EMILIN1: variants seen among roughly 807,000 people sequenced by gnomAD.
The protein encoded by EMILIN1 is elastin microfibril interfacer 1, also known as EMILIN-1.
A neutral mutation model predicts 82.4 loss-of-function variants in EMILIN1; 49 were observed. The observed-to-expected ratio is 0.59, with a 90% CI of 0.47 to 0.75. The LOEUF (loss-of-function observed/expected upper bound fraction) is 0.75. Among genes scored for constraint, EMILIN1 ranks in the 30% least tolerant of loss-of-function variants. The pLI is 0.00. For synonymous variants in EMILIN1, 604 were observed against 602.2 expected (o/e 1.00, Z -0.04); for missense variants, 1,313 against 1,366.4 (o/e 0.96, Z 0.62).
Position 27,083,189 on chromosome 2 carries a change from G to A in EMILIN1, c.1618G>A (p.Gly540Ser), listed in dbSNP as rs781500770. ...GCTGGAGGGATTACAAGAGGTTGTG[G>A]GCCGGCTCCAGGATCGTGTGGATGC... is the stretch of plus-strand genomic sequence containing the variant. ...ATLEGLQEVV[G>S]RLQDRVDAQD... Residue 540 changes from glycine (G) to serine (S), a missense_variant, in exon 4 of 8, where the codon GGC (glycine) becomes AGC (serine). Gly to Ser is a moderately conservative substitution (Grantham distance 56). Coordinates refer to ENST00000380320, the MANE Select transcript of EMILIN1 (RefSeq NM_007046.4). The A allele has an allele frequency of 1.9e-5, 30 of 1,611,248 alleles. No individual in the cohort carries two copies. Among genetic ancestry groups the A allele is most frequent in the Middle Eastern group, 3.3e-4 (2 of 6,066 alleles).
At position 27,086,344 on chromosome 2, in the gene EMILIN1, G is replaced by A. The variant is rs931872174; in HGVS notation, c.*329G>A. On this transcript the variant is annotated 3_prime_UTR_variant, in exon 8 of 8. Transcript: ENST00000380320. ...GGGCTCCAGGCTCCCCCGCGCGGGC[G>A]CCGCCCACCGCCATACTAAACGATC... The A allele has an allele frequency of 5.7e-5, 17 of 296,770 alleles. No individual in the cohort carries two copies. Among genetic ancestry groups the A allele is most frequent in the South Asian group, 3.2e-4 (2 of 6,182 alleles). The allele number at this position is 296,770 out of a possible 1,614,324, so 18.4% of individuals were successfully genotyped here.
Position 27,082,607 on chromosome 2 carries a change from G to T in EMILIN1, c.1036G>T (p.Gly346Cys). The change falls in exon 4 of 8, where the codon GGC (glycine) becomes TGC (cysteine). Residue 346 changes from glycine (G) to cysteine (C), a missense_variant. Transcript: ENST00000380320. ...ACGGCACCTCGCAGGGCTGGCGGTG[G>T]GCCGCAGGCCCCCTCAGGAATGCTG... ...RQRHLAGLAV[G>C]RRPPQECCSP... 1 of 1,543,186 alleles carries T rather than the reference G, an allele frequency of 6.5e-7. No homozygotes were observed.
In EMILIN1 at chr2:27,086,059, CG is replaced by C. The variant is rs1257407471; in HGVS notation, c.*49del. 3 of 1,347,824 alleles carry C rather than the reference CG, an allele frequency of 2.2e-6. No homozygotes were observed. The South Asian group carries it at 5.3e-5, about 24-fold the overall frequency. 83.5% of individuals were successfully genotyped at this position (1,347,824 alleles called of 1,614,324 possible). A position where few individuals can be genotyped will look rare whatever the true frequency, so the allele number is the denominator to read the frequency against. ...GTGTCTACGTCGGCTGAAGAGACAG[CG>C]GGGGCGGCGGGCTCCTGGGGTCTCG... On this transcript the variant is annotated 3_prime_UTR_variant, in exon 8 of 8. Transcript: ENST00000380320.
rs564835390 is a variant in EMILIN1, at chr2:27,086,181, G to T, written c.*166G>T. On this transcript the variant is annotated 3_prime_UTR_variant, in exon 8 of 8. Transcript: ENST00000380320. ...CCTCTCCCCACGCCCGGGGCGCGCCGGCTCAGGGAGGCTCGGGGCCGCCCA... is the reference window on the plus strand; with the variant it reads ...CCTCTCCCCACGCCCGGGGCGCGCCTGCTCAGGGAGGCTCGGGGCCGCCCA... The T allele has an allele frequency of 6.2e-5, 27 of 432,228 alleles. No individual in the cohort carries two copies. Among genetic ancestry groups the T allele is most frequent in the Non-Finnish European group, 1.0e-4 (26 of 258,470 alleles). 26.8% of individuals were successfully genotyped at this position (432,228 alleles called of 1,614,324 possible).
At position 27,082,249 on chromosome 2, in the gene EMILIN1, C is replaced by G. The variant is rs781217129; in HGVS notation, c.678C>G (p.Asp226Glu). The change falls in exon 4 of 8, where the codon GAC becomes GAG. Residue 226 changes from aspartate (D) to glutamate (E), a missense_variant. Asp to Glu is a conservative substitution (Grantham distance 45). Coordinates refer to ENST00000380320, the MANE Select transcript of EMILIN1 (RefSeq NM_007046.4). ...TCAACGGGAGGCAGCAGCCAGCTGA[C>G]GCGGCTGCCCGCCCTGGGGTGCATG... ...TAFNGRQQPADAAARPGVHET... is the reference protein window; with the variant it reads ...TAFNGRQQPAEAAARPGVHET... The G allele has an allele frequency of 6.2e-7, 1 of 1,613,228 alleles. No individual in the cohort carries two copies. The highest frequency in any genetic ancestry group is 8.5e-7 in the Non-Finnish European group (1 of 1,179,904).
At chr2:27,079,909 G>A (rs532194071) in intron 1 of EMILIN1, among the ~76,000 whole-genome samples, 2 of 152,296 alleles carry the variant, frequency 1.3e-5, no homozygotes, top group South Asian at 4.1e-4. Context: ...ACCACCATGA[G>A]GATTGACTGC....
intron 3 of EMILIN1, among the ~76,000 whole-genome samples, chr2:27,081,241 C>T (rs371110275): frequency 5.3e-5 from 8 of 152,122 alleles, no homozygotes; most frequent in African/African-American, 1.2e-4. Context: ...TGCTCGCACA[C>T]GCCCCATGTG....
At position 27,082,390 on chromosome 2, in the gene EMILIN1, C is replaced by T. The variant is rs1306995571; in HGVS notation, c.819C>T (p.Gly273=). The change falls in exon 4 of 8, where the codon GGC becomes GGT. Residue 273 remains glycine (G), a synonymous_variant. Coordinates refer to ENST00000380320, the MANE Select transcript of EMILIN1 (RefSeq NM_007046.4). ...ATGGCGGCAGCAGCAGCAGTGGGGG[C>T]AGCAGGGCCCCAGCCCCAGCCTCAG... ...NHHGGSSSSG[G]SRAPAPASAP... 1.2e-6 allele frequency: 2 copies of T among 1,609,584 alleles called. No individual in the cohort carries two copies. The highest frequency in any genetic ancestry group is 1.7e-6 in the Non-Finnish European group (2 of 1,179,122).
chr2:27,086,271 A>C lies in EMILIN1; in HGVS notation c.*256A>C. The C allele has an allele frequency of 2.8e-6, 1 of 355,548 alleles. No individual in the cohort carries two copies. Among genetic ancestry groups the C allele is most frequent in the Non-Finnish European group, 5.0e-6 (1 of 199,218 alleles). 22.0% of individuals were successfully genotyped at this position (355,548 alleles called of 1,614,324 possible). ...CCAGGGCCGGCCTGCGGAGGAGCCG[A>C]TCCTCGCACCCTCCGCTCCCTCCAC... On this transcript the variant is annotated 3_prime_UTR_variant, in exon 8 of 8. Coordinates refer to ENST00000380320, the MANE Select transcript of EMILIN1 (RefSeq NM_007046.4).
At chr2:27,081,951 T>A (rs946178445) in intron 3 of EMILIN1, 132 bp from the exon 4 acceptor site, 26 of 1,168,902 alleles carry the variant, frequency 2.2e-5, no homozygotes, top group Admixed American at 2.9e-5. Context: ...TTCTTTTTTT[T>A]TCTCTTGCCA....
At position 27,079,139 on chromosome 2, in the gene EMILIN1, C is replaced by T. The variant is rs750171458; in HGVS notation, c.74C>T (p.Pro25Leu). 2.9e-5 allele frequency: 47 copies of T among 1,604,262 alleles called. No individual in the cohort carries two copies. Among genetic ancestry groups the T allele is most frequent in the Non-Finnish European group, 3.5e-5 (41 of 1,175,822 alleles). Residue 25 changes from proline (P) to leucine (L), a missense_variant, in exon 1 of 8, where the codon CCT becomes CTT. Transcript: ENST00000380320. ...GCAGCTGCAGGGGCCGCCAGCTACC[C>T]TCCTCGAGGTTTCAGCCTCTACACA... ...LTAAAGAASYPPRGFSLYTGS... is the reference protein window; with the variant it reads ...LTAAAGAASYLPRGFSLYTGS...
chr2:27,080,387 G>A, intron 2 of EMILIN1, 117 bp downstream of exon 2: 1 of 1,374,560 alleles, frequency 7.3e-7, no homozygotes, highest in Non-Finnish European at 1.0e-6. Flanking sequence ...AGGGGCTAGG[G>A]TCACAGCCAT....
intron 1 of EMILIN1, 50 bp from the exon 2 acceptor site, chr2:27,080,101 C>T (rs377366246): frequency 6.2e-7 from 1 of 1,606,586 alleles, no homozygotes; most frequent in Admixed American, 1.7e-5. Context: ...GGGCCCTCCT[C>T]CAGGGCATGT....
rs1218476079 is a variant in EMILIN1 at position 27,082,207 on chromosome 2, G to A, written c.636G>A (p.Arg212=). The part of the protein sequence containing the change: ...LSGRLAEDVQ[R]AVETAFNGRQ... ...GGCGCCTGGCAGAGGATGTGCAGAG[G>A]GCTGTGGAGACGGCCTTCAACGGGA... The change falls in exon 4 of 8, where the codon AGG becomes AGA. Residue 212 remains arginine, a synonymous_variant. Coordinates refer to ENST00000380320, the MANE Select transcript of EMILIN1 (RefSeq NM_007046.4). 1 of 1,613,520 alleles carries A rather than the reference G, an allele frequency of 6.2e-7. No homozygotes were observed. Among genetic ancestry groups the A allele is most frequent in the Non-Finnish European group, 8.5e-7 (1 of 1,180,018 alleles).
chr2:27,084,146 A>T, intron 4 of EMILIN1, 135 bp downstream of exon 4: 1 of 1,066,172 alleles, frequency 9.4e-7, no homozygotes, highest in Non-Finnish European at 1.3e-6. Flanking sequence ...CCAGTATTCC[A>T]GGTGTTATAG....
chr2:27,080,382 C>G lies in EMILIN1; in HGVS notation c.290+112C>G, dbSNP rs59198727. The G allele has an allele frequency of 6.6e-4, 931 of 1,408,102 alleles. 3 individuals carry two copies. The African/African-American group carries it at 7.2e-3, about 11-fold the overall frequency. The allele number at this position is 1,408,102 out of a possible 1,614,324, so 87.2% of individuals were successfully genotyped here. ...GCAGGGAGCAAGGGCAGGACAGGGG[C>G]TAGGGTCACAGCCATTTTGAGGAGA... On this transcript the variant is annotated intron_variant, in intron 2 of 7. Transcript: ENST00000380320.
rs2736976 is a variant in EMILIN1, at chr2:27,080,887, G to C, written c.446G>C (p.Arg149Pro). The change falls in exon 3 of 8, where the codon CGG becomes CCG. Residue 149 changes from arginine to proline, a missense_variant. Coordinates refer to ENST00000380320, the MANE Select transcript of EMILIN1 (RefSeq NM_007046.4). ...PASSTPRPLARPARPNLSGSS... is the reference protein window; with the variant it reads ...PASSTPRPLAPPARPNLSGSS... The stretch of plus-strand genomic sequence containing the variant: ...TCTTCCACACCACGGCCCCTGGCCC[G>C]GCCTGCCCGCCCCAACCTCTCTGGC... The C allele has an allele frequency of 1.4e-5, 23 of 1,607,606 alleles. No individual in the cohort carries two copies. The highest frequency in any genetic ancestry group is 1.7e-4 in the Middle Eastern group (1 of 6,048).
chr2:27,082,996 G>A lies in EMILIN1; in HGVS notation c.1425G>A (p.Met475Ile), dbSNP rs1572846721. The change falls in exon 4 of 8, where the codon ATG becomes ATA. Residue 475 changes from methionine (M) to isoleucine (I), a missense_variant. Physicochemically the swap from Met to Ile is conservative, Grantham distance 10. Coordinates refer to ENST00000380320, the MANE Select transcript of EMILIN1 (RefSeq NM_007046.4). ...TGGAGGAGCAGGTGGCAGGGGCCAT[G>A]CAGGCATGCGGGCAGCTCTGCTCTG... Reference protein sequence around the residue: ...DLLEEQVAGAMQACGQLCSGA... With the variant: ...DLLEEQVAGAIQACGQLCSGA... 6.4e-7 allele frequency: 1 copy of A among 1,570,798 alleles called. No individual in the cohort carries two copies. The highest frequency in any genetic ancestry group is 8.6e-7 in the Non-Finnish European group (1 of 1,158,738).
intron 2 of EMILIN1, among the ~76,000 whole-genome samples, chr2:27,080,482 TG>T (rs1267340535): frequency 6.6e-6 from 1 of 152,146 alleles, no homozygotes; most frequent in East Asian, 1.9e-4. Context: ...ATGCCTTCTC[TG>T]GGATGGCTCA....
Sources: allele counts gnomAD v4.1 joint callset (sites outside exome capture counted in the v4.1 genomes callset), GRCh38; gene constraint gnomAD v4.1.1; transcripts MANE v1.5; gene names NCBI Gene and HGNC (gene_info 2026-07-23, HGNC 2026-07-21).